Variants in RABGAP1L observed in about 807,000 individuals in gnomAD.
RABGAP1L encodes rab GTPase-activating protein 1-like.
In RABGAP1L, 63 loss-of-function variants were observed where a neutral mutation model predicts 137.7. The ratio of observed to expected loss-of-function variants is 0.46; its 90% CI spans 0.37 to 0.56. The LOEUF (loss-of-function observed/expected upper bound fraction) is 0.56, where lower values mean the gene tolerates loss of function less well. Ranked by LOEUF, RABGAP1L falls within the 20% of genes least tolerant of loss-of-function variation. RABGAP1L has a pLI of 0.00. For missense variants in RABGAP1L, 1,095 were observed against 1,244.0 expected, an observed-to-expected ratio of 0.88 and a Z score of 1.80; for synonymous variants, 431 against 433.7, an observed-to-expected ratio of 0.99 and a Z score of 0.08.
At position 174,752,293 on chromosome 1, in the gene RABGAP1L, A is replaced by G. The variant is rs759923692; in HGVS notation, c.2170-20A>G. 1.3e-6 allele frequency: 2 copies of G among 1,557,244 alleles called. No individual in the cohort carries two copies. Among genetic ancestry groups the G allele is most frequent in the South Asian group, 2.3e-5 (2 of 85,578 alleles). ...GATACATGTGGCAGTACTAATCTTC[A>G]CTTTCTTTTTCTATTTCAGGGTTTG... is the stretch of plus-strand genomic sequence containing the variant. On this transcript the variant is annotated intron_variant, in intron 17 of 25. Coordinates refer to ENST00000681986, the MANE Select transcript of RABGAP1L (RefSeq NM_001366446.1).
At chr1:174,346,419 A>C (rs927781692) in intron 11 of RABGAP1L, among the ~76,000 whole-genome samples, 2 of 152,088 alleles carry the variant, frequency 1.3e-5, no homozygotes, top group African/African-American at 4.8e-5. Flanking sequence ...TGATCTCATT[A>C]CTTCTTATTG....
intron 19 of RABGAP1L, among the ~76,000 whole-genome samples, chr1:174,882,735 T>C (rs931439950): frequency 6.6e-6 from 1 of 152,088 alleles, no homozygotes; most frequent in Non-Finnish European, 1.5e-5. Context: ...TTCCATATCA[T>C]ACACACATGA....
chr1:174,635,975 C>G (rs1378622275), intron 13 of RABGAP1L, among the ~76,000 whole-genome samples: 2 of 152,108 alleles, frequency 1.3e-5, no homozygotes, highest in South Asian at 2.1e-4. Flanking sequence ...AAAGTTTCTT[C>G]AAATCTTTAT....
intron 13 of RABGAP1L, among the ~76,000 whole-genome samples, chr1:174,399,829 A>G (rs1296922560): frequency 1.3e-5 from 2 of 152,182 alleles, no homozygotes; most frequent in African/African-American, 4.8e-5. Context: ...TCACGAGAAC[A>G]CTGTGGGGTA....
At chr1:174,516,994 C>T (rs988912238) in intron 13 of RABGAP1L, among the ~76,000 whole-genome samples, 17 of 150,770 alleles carry the variant, frequency 1.1e-4, no homozygotes, top group African/African-American at 3.9e-4. Context: ...TGCTTTGAAA[C>T]GTATGTTGTT....
intron 13 of RABGAP1L, among the ~76,000 whole-genome samples, chr1:174,622,470 A>G (rs1306489014): frequency 1.3e-5 from 2 of 152,224 alleles, no homozygotes; most frequent in African/African-American, 4.8e-5. Flanking sequence ...TCCAACAATG[A>G]TAGACTGGAT....
intron 12 of RABGAP1L, among the ~76,000 whole-genome samples, chr1:174,390,929 G>A (rs1406285765): frequency 6.6e-6 from 1 of 152,110 alleles, no homozygotes; most frequent in Non-Finnish European, 1.5e-5. Flanking sequence ...AGGTGATAAT[G>A]CCTAGAGACA....
chr1:174,278,673 T>C lies in RABGAP1L; in HGVS notation c.1217T>C (p.Val406Ala). Residue 406 changes from valine (V) to alanine (A), a missense_variant, in exon 10 of 26, where the codon GTT becomes GCT. Around this residue, in one of 4 missense-constraint regions of RABGAP1L, gnomAD observed 315 missense variants for 324.8 expected, o/e 0.97. Transcript: ENST00000681986. ...GTAGTCACAGAGGTGGTGGAGCCTGTTCGCTTTCTCCTGGAGACAGTAGTC... is the reference window on the plus strand; with the variant it reads ...GTAGTCACAGAGGTGGTGGAGCCTGCTCGCTTTCTCCTGGAGACAGTAGTC... ...DMVVTEVVEPVRFLLETVVRV... is the reference protein window; with the variant it reads ...DMVVTEVVEPARFLLETVVRV... The C allele has an allele frequency of 6.2e-7, 1 of 1,613,490 alleles. No individual in the cohort carries two copies. The highest frequency in any genetic ancestry group is 8.5e-7 in the Non-Finnish European group (1 of 1,179,716).
intron 18 of RABGAP1L, among the ~76,000 whole-genome samples, chr1:174,798,730 A>G (rs1558089101): frequency 1.3e-5 from 2 of 152,322 alleles, no homozygotes; most frequent in South Asian, 4.1e-4. Flanking sequence ...CACAAAATAC[A>G]TGCTCTGGCT....
intron 20 of RABGAP1L, among the ~76,000 whole-genome samples, chr1:174,964,342 G>A (rs974894543): frequency 5.3e-5 from 8 of 152,018 alleles, no homozygotes; most frequent in South Asian, 2.1e-4. Context: ...TTATAAAGCC[G>A]CCTCCCTCCT....
At chr1:174,964,011 A>T (rs560756998) in intron 20 of RABGAP1L, among the ~76,000 whole-genome samples, 1 of 152,304 alleles carries the variant, frequency 6.6e-6, no homozygotes, top group African/African-American at 2.4e-5. Context: ...CACTACAAAG[A>T]TAAAATTGGA....
chr1:174,719,783 G>T (rs565620304), intron 17 of RABGAP1L, among the ~76,000 whole-genome samples: 24 of 152,354 alleles, frequency 1.6e-4, no homozygotes, highest in African/African-American at 5.5e-4. Flanking sequence ...GCTGCAGTTT[G>T]TGACCTCTGA....
intron 17 of RABGAP1L, among the ~76,000 whole-genome samples, chr1:174,720,653 AC>A (rs1256180974): frequency 1.3e-5 from 2 of 151,930 alleles, no homozygotes; most frequent in African/African-American, 4.8e-5. Flanking sequence ...ATGAAGTTGC[AC>A]CCCTACTTCA....
At chr1:174,472,938 G>GT (rs774403127) in intron 13 of RABGAP1L, among the ~76,000 whole-genome samples, 27 of 152,180 alleles carry the variant, frequency 1.8e-4, no homozygotes, top group Admixed American at 3.9e-4. Flanking sequence ...AGTATTAACT[G>GT]TTTTTTGCAC....
chr1:174,800,475 G>C (rs765147513), intron 18 of RABGAP1L: 4 of 1,550,910 alleles, frequency 2.6e-6, no homozygotes, highest in Admixed American at 2.0e-5. Context: ...ATGGGGCATC[G>C]TCTGTTTGTG....
chr1:174,909,466 A>G (rs935885596), intron 19 of RABGAP1L, among the ~76,000 whole-genome samples: 7 of 152,330 alleles, frequency 4.6e-5, no homozygotes, highest in East Asian at 1.9e-4. Flanking sequence ...AGCTCAAGCT[A>G]TCCTCTCACT....
In RABGAP1L at chr1:174,518,791, C is replaced by T. The variant is rs530132817; in HGVS notation, c.1711-118584C>T. 5.9e-5 allele frequency among the ~76,000 whole-genome samples: 9 copies of T among 152,262 alleles called. No homozygotes were observed. The South Asian group carries it at 1.0e-3, about 18-fold the overall frequency. ...GAGGAATATGCATTATGGCAGTAGC[C>T]TTCTTCACTTCCGGCGTACAAATGA... is the stretch of plus-strand genomic sequence containing the variant. On this transcript the variant is annotated intron_variant, in intron 13 of 25. Transcript: ENST00000681986.
intron 11 of RABGAP1L, among the ~76,000 whole-genome samples, chr1:174,330,627 A>G (rs1680952202): frequency 6.6e-6 from 1 of 152,168 alleles, no homozygotes; most frequent in African/African-American, 2.4e-5. Context: ...CTAGGAATAT[A>G]CTTAAGGAAG....
intron 19 of RABGAP1L, among the ~76,000 whole-genome samples, chr1:174,913,993 T>C (rs927356567): frequency 2.0e-5 from 3 of 152,228 alleles, no homozygotes; most frequent in Admixed American, 6.5e-5. Context: ...ATCTTAAATA[T>C]TGAAAACTAA....
Sources: allele counts gnomAD v4.1 joint callset (sites outside exome capture counted in the v4.1 genomes callset), GRCh38; gene constraint gnomAD v4.1.1; regional missense constraint gnomAD v4.1.1; transcripts MANE v1.5; gene names NCBI Gene and HGNC (gene_info 2026-07-23, HGNC 2026-07-21).